PTPRN2: variants seen among roughly 807,000 people sequenced by gnomAD.
The protein encoded by PTPRN2 is protein tyrosine phosphatase receptor type N2, also known as receptor-type tyrosine-protein phosphatase N2.
A neutral mutation model predicts 118.8 loss-of-function variants in PTPRN2; 74 were observed. That is an observed-to-expected ratio of 0.62 (90% CI 0.52 to 0.76). PTPRN2 has a LOEUF of 0.76. Among genes scored for constraint, PTPRN2 ranks in the 30% least tolerant of loss-of-function variants. The probability of loss-of-function intolerance (pLI) is 0.00; values close to 1 mark genes in which losing one functional copy is unlikely to be tolerated. For missense variants in PTPRN2, 1,481 were observed against 1,394.4 expected, an observed-to-expected ratio of 1.06 and a Z score of -0.99; for synonymous variants, 641 against 608.0, an observed-to-expected ratio of 1.05 and a Z score of -0.80.
chr7:158,422,462 TC>T (rs757735037), intron 2 of PTPRN2, among the ~76,000 whole-genome samples: 4 of 152,194 alleles, frequency 2.6e-5, no homozygotes, highest in Non-Finnish European at 5.9e-5. Flanking sequence ...GATTCTCATT[TC>T]AGATGCACAC....
At chr7:157,999,888 T>C (rs1389312728) in intron 11 of PTPRN2, among the ~76,000 whole-genome samples, 1 of 152,092 alleles carries the variant, frequency 6.6e-6, no homozygotes, top group Non-Finnish European at 1.5e-5. Flanking sequence ...TTTTTTTATT[T>C]TTCATTATTA....
chr7:158,301,026 C>T (rs971498601), intron 3 of PTPRN2, among the ~76,000 whole-genome samples: 3 of 151,996 alleles, frequency 2.0e-5, no homozygotes, highest in Admixed American at 1.3e-4. Context: ...CAGCAACGCA[C>T]GATATACAGA....
chr7:158,246,980 G>A (rs550034654), intron 3 of PTPRN2, among the ~76,000 whole-genome samples: 1 of 152,336 alleles, frequency 6.6e-6, no homozygotes, highest in East Asian at 1.9e-4. Context: ...TTCTCATAGA[G>A]CGCATGGAGC....
At chr7:158,498,550 A>AGCTCTTGGTTTTTAATCG (rs1822117260) in intron 1 of PTPRN2, among the ~76,000 whole-genome samples, 1 of 152,220 alleles carries the variant, frequency 6.6e-6, no homozygotes, top group African/African-American at 2.4e-5. Context: ...GGTTTTAATC[A>AGCTCTTGGTTTTTAATCG]GCTCTTGGTT....
intron 14 of PTPRN2, among the ~76,000 whole-genome samples, chr7:157,653,593 G>A (rs923485028): frequency 3.3e-5 from 5 of 152,136 alleles, no homozygotes; most frequent in African/African-American, 9.7e-5. Flanking sequence ...TCTACCTGGA[G>A]CTCACCTGTG....
At chr7:158,056,151 C>G (rs56955261) in intron 11 of PTPRN2, among the ~76,000 whole-genome samples, 1 of 152,220 alleles carries the variant, frequency 6.6e-6, no homozygotes, top group Admixed American at 6.5e-5. Flanking sequence ...CTCCTGCCTT[C>G]GTATTGGCCT....
At chr7:158,219,415 G>A (rs991967802) in intron 3 of PTPRN2, among the ~76,000 whole-genome samples, 3 of 151,866 alleles carry the variant, frequency 2.0e-5, no homozygotes, top group Non-Finnish European at 4.4e-5. Flanking sequence ...CACAACTAAA[G>A]CAGTGTTAAA....
chr7:157,843,934 C>T (rs768752312), intron 12 of PTPRN2, among the ~76,000 whole-genome samples: 9 of 152,192 alleles, frequency 5.9e-5, no homozygotes, highest in Non-Finnish European at 8.8e-5. Context: ...GATGTGGTGC[C>T]GTCACCAGTG....
chr7:158,324,037 G>A (rs533791951), intron 2 of PTPRN2, among the ~76,000 whole-genome samples: 10 of 18,360 alleles, frequency 5.4e-4, no homozygotes, highest in South Asian at 2.1e-3. Flanking sequence ...ACAGGAGCAC[G>A]TACACACACA....
chr7:157,660,217 A>T (rs575631752), intron 13 of PTPRN2, among the ~76,000 whole-genome samples: 2 of 152,312 alleles, frequency 1.3e-5, no homozygotes, highest in Admixed American at 1.3e-4. Context: ...GGGTCCGAGA[A>T]TGTGACCCTC....
intron 12 of PTPRN2, among the ~76,000 whole-genome samples, chr7:157,884,307 T>G (rs1346288917): frequency 6.6e-6 from 1 of 152,196 alleles, no homozygotes; most frequent in Non-Finnish European, 1.5e-5. Flanking sequence ...TTTGAGAAAC[T>G]GAAGATATAG....
chr7:158,394,177 T>C (rs1251079296), intron 2 of PTPRN2, among the ~76,000 whole-genome samples: 2 of 120,346 alleles, frequency 1.7e-5, no homozygotes, highest in African/African-American at 3.2e-5. Flanking sequence ...CTGGACCCCC[T>C]CTGTCCCCCA....
intron 14 of PTPRN2, among the ~76,000 whole-genome samples, chr7:157,628,478 C>A (rs952560051): frequency 6.6e-6 from 1 of 152,246 alleles, no homozygotes; most frequent in East Asian, 1.9e-4. Context: ...CATGAACACA[C>A]TGGGAAGGCA....
intron 2 of PTPRN2, among the ~76,000 whole-genome samples, chr7:158,355,204 T>A (rs1019103498): frequency 6.6e-6 from 1 of 152,084 alleles, no homozygotes; most frequent in African/African-American, 2.4e-5. Flanking sequence ...CAAAAATACA[T>A]CGAATGGGGC....
intron 17 of PTPRN2, among the ~76,000 whole-genome samples, chr7:157,580,051 C>T (rs1186311207): frequency 7.9e-5 from 12 of 152,200 alleles, no homozygotes; most frequent in Admixed American, 7.9e-4. Flanking sequence ...CAGTAAAAAT[C>T]CCAGTCGAGT....
intron 2 of PTPRN2, among the ~76,000 whole-genome samples, chr7:158,408,053 A>G (rs992834764): frequency 6.6e-6 from 1 of 152,232 alleles, no homozygotes; most frequent in African/African-American, 2.4e-5. Flanking sequence ...TTGAAATAGG[A>G]AAGGAAAAGG....
chr7:158,220,646 T>A (rs918060637), intron 3 of PTPRN2, among the ~76,000 whole-genome samples: 15 of 151,914 alleles, frequency 9.9e-5, no homozygotes, highest in African/African-American at 3.4e-4. Context: ...ATAAAATACC[T>A]AAGGTTATAG....
At chr7:158,193,631 C>T (rs2150710085) in intron 4 of PTPRN2, among the ~76,000 whole-genome samples, 1 of 152,120 alleles carries the variant, frequency 6.6e-6, no homozygotes, top group African/African-American at 2.4e-5. Flanking sequence ...CAGCCTGGGA[C>T]ACGATGGGCA....
chr7:158,258,007 G>C (rs1251521433), intron 3 of PTPRN2, among the ~76,000 whole-genome samples: 1 of 152,206 alleles, frequency 6.6e-6, no homozygotes, highest in African/African-American at 2.4e-5. Flanking sequence ...TTTACCTAAG[G>C]CTTTCTTGAG....
Sources: allele counts gnomAD v4.1 joint callset (sites outside exome capture counted in the v4.1 genomes callset), GRCh38; gene constraint gnomAD v4.1.1; transcripts MANE v1.5; gene names NCBI Gene and HGNC (gene_info 2026-07-23, HGNC 2026-07-21).